Variants in RAD9A observed in about 807,000 individuals in gnomAD.
RAD9A encodes the protein RAD9 checkpoint clamp component A, also known as cell cycle checkpoint control protein RAD9A.
A neutral mutation model predicts 41.2 loss-of-function variants in RAD9A; 25 were observed. The ratio of observed to expected loss-of-function variants is 0.61; its 90% CI spans 0.44 to 0.85. RAD9A has a LOEUF of 0.85. RAD9A is among the 40% of genes least tolerant of loss of function. The pLI, the probability that RAD9A is intolerant of heterozygous loss-of-function variation, is 0.00. For synonymous variants in RAD9A, 252 were observed against 210.6 expected (o/e 1.20, Z -1.70); for missense variants, 514 against 518.3 (o/e 0.99, Z 0.08).
At chr11:67,392,262 G>GGGGGGGGGGGGGGT in intron 2 of RAD9A, 31 bp downstream of exon 2, 2 of 600,786 alleles carry the variant, frequency 3.3e-6, no homozygotes, top group Middle Eastern at 3.4e-4. Context: ...GGGCGGGTGG[G>GGGGGGGGGGGGGGT]ACTCCAGCCG....
chr11:67,396,829 T>C (rs1862716366), intron 9 of RAD9A, among the ~76,000 whole-genome samples: 2 of 151,912 alleles, frequency 1.3e-5, no homozygotes. Flanking sequence ...AGCCTGTCCC[T>C]GGGCTCCTGT....
Position 67,393,694 on chromosome 11 carries a change from T to C in RAD9A, c.353T>C (p.Val118Ala). The C allele has an allele frequency of 6.2e-7, 1 of 1,612,750 alleles. No individual in the cohort carries two copies. Among genetic ancestry groups the C allele is most frequent in the South Asian group, 1.1e-5 (1 of 91,004 alleles). ...LVVQLHCKFGVRKTHNLSFQD... is the reference protein window; with the variant it reads ...LVVQLHCKFGARKTHNLSFQD... ...TGAGACCCTATCGCCCATCCAGGGG[T>C]GCGGAAGACTCACAACCTGTCCTTC... is the stretch of plus-strand genomic sequence containing the variant. The change falls in exon 5 of 11, where the codon GTG becomes GCG. Residue 118 changes from valine to alanine, a missense_variant. Val to Ala is a moderately conservative substitution (Grantham distance 64). Around this residue, in one of 3 missense-constraint regions of RAD9A, gnomAD observed 268 missense variants for 279.3 expected, o/e 0.96. Coordinates refer to ENST00000307980, the MANE Select transcript of RAD9A (RefSeq NM_004584.3).
chr11:67,392,189 C>T lies in RAD9A; in HGVS notation c.63C>T (p.Ser21=). ...KVLGKAVHSL[S]RIGDELYLEP... is the part of the protein sequence containing the mutation. The stretch of plus-strand genomic sequence containing the variant: ...TCGGCAAGGCCGTCCACTCCCTGTC[C>T]CGCATCGGGGACGAGCTCTACCTGG... The change falls in exon 2 of 11, where the codon TCC becomes TCT. Residue 21 remains serine, a synonymous_variant. Transcript: ENST00000307980. The T allele has an allele frequency of 6.2e-7, 1 of 1,612,316 alleles. No homozygotes were observed. Among genetic ancestry groups the T allele is most frequent in the Non-Finnish European group, 8.5e-7 (1 of 1,179,756 alleles).
At chr11:67,393,822 G>A (rs1176931555) in intron 5 of RAD9A, 32 bp downstream of exon 5, 4 of 1,518,344 alleles carry the variant, frequency 2.6e-6, no homozygotes, top group African/African-American at 1.4e-5. Context: ...GCTCAGCCCC[G>A]GGTCTCTCTC....
At position 67,395,893 on chromosome 11, in the gene RAD9A, T is replaced by TC. The variant is rs748251408; in HGVS notation, c.560-17dup. ...GGGAGAGGGGCGGGGCCCAGGTTAC[T>TC]CCTGTTCTTCCCCAACAGACAGCAC... On this transcript the variant is annotated intron_variant, in intron 6 of 10. Coordinates refer to ENST00000307980, the MANE Select transcript of RAD9A (RefSeq NM_004584.3). 1 of 1,613,732 alleles carries TC rather than the reference T, an allele frequency of 6.2e-7. No homozygotes were observed. The highest frequency in any genetic ancestry group is 1.1e-5 in the South Asian group (1 of 91,072).
In RAD9A at chr11:67,393,540, G is replaced by T; in HGVS notation, c.279G>T (p.Thr93=). The stretch of plus-strand genomic sequence containing the variant: ...GCTCACTGGCGATGCTGGAGAAGAC[G>T]GTGGAAAAATGCTGCATCTCCCTGA... The part of the protein sequence containing the change: ...VFRSLAMLEK[T]VEKCCISLNG... Residue 93 remains threonine (T), a synonymous_variant, in exon 4 of 11, where the codon ACG becomes ACT. Coordinates refer to ENST00000307980, the MANE Select transcript of RAD9A (RefSeq NM_004584.3). 1 of 1,614,196 alleles carries T rather than the reference G, an allele frequency of 6.2e-7. No homozygotes were observed. The highest frequency in any genetic ancestry group is 8.5e-7 in the Non-Finnish European group (1 of 1,180,036).
rs756633055 is a variant in RAD9A, at chr11:67,397,302, GCCC to G, written c.1000_1002del (p.Pro334del). 26 of 1,344,394 alleles carry G rather than the reference GCCC, an allele frequency of 1.9e-5. No homozygotes were observed. Among genetic ancestry groups the G allele is most frequent in the East Asian group, 9.8e-5 (4 of 40,818 alleles). The allele number at this position is 1,344,394 out of a possible 1,614,324, so 83.3% of individuals were successfully genotyped here. A position where few individuals can be genotyped will look rare whatever the true frequency, so the allele number is the denominator to read the frequency against. On this transcript the variant is annotated inframe_deletion, in exon 10 of 11. Coordinates refer to ENST00000307980, the MANE Select transcript of RAD9A (RefSeq NM_004584.3). The stretch of plus-strand genomic sequence containing the variant: ...CCATTTCCCTTTCACCTGGCCCCCA[GCCC>G]CCCAAGAGCCCCGGTCCCCACTCCG...
rs761855304 is a variant in RAD9A at position 67,397,511 on chromosome 11, C to A, written c.1128C>A (p.Pro376=). The stretch of plus-strand genomic sequence containing the variant: ...CCATCCTGGCCCCTGTACGCTCCCC[C>A]CAGGGCCCCAGCCCTGTGCTGGCGG... ...FGSILAPVRS[P]QGPSPVLAED... Residue 376 remains proline (P), a synonymous_variant, in exon 11 of 11, where the codon CCC becomes CCA. Coordinates refer to ENST00000307980, the MANE Select transcript of RAD9A (RefSeq NM_004584.3). The A allele has an allele frequency of 3.7e-6, 6 of 1,612,330 alleles. No homozygotes were observed. The highest frequency in any genetic ancestry group is 4.5e-5 in the East Asian group (2 of 44,878).
rs1052709425 is a variant in RAD9A at position 67,392,001 on chromosome 11, G to C, written c.-44G>C. 9 of 1,537,006 alleles carry C rather than the reference G, an allele frequency of 5.9e-6. No individual in the cohort carries two copies. The highest frequency in any genetic ancestry group is 7.9e-6 in the Non-Finnish European group (9 of 1,143,782). ...AAGGGACCCCGGACCCGGAGGTCGC[G>C]GAGAGCTGGGCAGTGTTGGCCGCTG... is the stretch of plus-strand genomic sequence containing the variant. On this transcript the variant is annotated 5_prime_UTR_variant, in exon 1 of 11. Transcript: ENST00000307980.
chr11:67,394,817 T>C (rs1324736090), intron 5 of RAD9A, among the ~76,000 whole-genome samples: 1 of 150,126 alleles, frequency 6.7e-6, no homozygotes, highest in Non-Finnish European at 1.5e-5. Flanking sequence ...GGTTTCTCCA[T>C]GTTGGTCAGG....
intron 2 of RAD9A, 59 bp downstream of exon 2, chr11:67,392,290 C>A: frequency 7.1e-7 from 1 of 1,403,850 alleles, no homozygotes; most frequent in Non-Finnish European, 9.7e-7. Context: ...GTAACCCGGA[C>A]TAGAGTCTCG....
In RAD9A at chr11:67,392,246, T is replaced by TGTGGGGG; in HGVS notation, c.105+17_105+23dup. The TGTGGGGG allele has an allele frequency of 3.6e-6, 2 of 558,092 alleles. No individual in the cohort carries two copies. Among genetic ancestry groups the TGTGGGGG allele is most frequent in the African/African-American group, 2.2e-5 (1 of 45,880 alleles). The allele number at this position is 558,092 out of a possible 1,614,324, so 34.6% of individuals were successfully genotyped here. The stretch of plus-strand genomic sequence containing the variant: ...TGGAGGACGGGGTGAGGGGCTAGGG[T>TGTGGGGG]GTGGGGGGCGGGTGGGACTCCAGCC... On this transcript the variant is annotated intron_variant, in intron 2 of 10. Transcript: ENST00000307980.
At chr11:67,392,370 C>A in intron 2 of RAD9A, 139 bp downstream of exon 2, 1 of 907,028 alleles carries the variant, frequency 1.1e-6, no homozygotes, top group South Asian at 1.7e-5. Flanking sequence ...TGGCGGCTGT[C>A]ATCTTCCCAG....
intron 5 of RAD9A, among the ~76,000 whole-genome samples, chr11:67,394,170 G>A (rs1862616785): frequency 6.6e-6 from 1 of 152,212 alleles, no homozygotes; most frequent in Non-Finnish European, 1.5e-5. Context: ...ATAACCTGTG[G>A]CTCAGAGGCT....
At chr11:67,393,376 G>C in intron 3 of RAD9A, 120 bp from the exon 4 acceptor site, 1 of 1,469,948 alleles carries the variant, frequency 6.8e-7, no homozygotes, top group African/African-American at 1.4e-5. Context: ...TGCCCGAGGT[G>C]ACGTGGGAGC....
Position 67,396,363 on chromosome 11 carries a change from G to C in RAD9A, c.835G>C (p.Glu279Gln). 6.2e-7 allele frequency: 1 copy of C among 1,613,924 alleles called. No homozygotes were observed. The highest frequency in any genetic ancestry group is 8.5e-7 in the Non-Finnish European group (1 of 1,180,000). Residue 279 changes from glutamate to glutamine, a missense_variant, in exon 9 of 11, where the codon GAG becomes CAG. Physicochemically the swap from Glu to Gln is conservative, Grantham distance 29. This residue lies in a region of RAD9A where 216 missense variants were observed against 184.2 expected (regional missense o/e 1.17). Coordinates refer to ENST00000307980, the MANE Select transcript of RAD9A (RefSeq NM_004584.3). ...GCACTCCCAGGACCTGGGCTCCCCA[G>C]AGCGTCACCAGCCAGTGCCTCAGCT... ...DSHSQDLGSPERHQPVPQLQA... is the reference protein window; with the variant it reads ...DSHSQDLGSPQRHQPVPQLQA...
At chr11:67,393,457 G>A in intron 3 of RAD9A, 39 bp from the exon 4 acceptor site, 1 of 1,607,766 alleles carries the variant, frequency 6.2e-7, no homozygotes, top group Non-Finnish European at 8.5e-7. Context: ...GCTTGTTGCA[G>A]AGATGTGATG....
At chr11:67,396,846 C>T (rs983083197) in intron 9 of RAD9A, among the ~76,000 whole-genome samples, 1 of 152,238 alleles carries the variant, frequency 6.6e-6, no homozygotes, top group African/African-American at 2.4e-5. Flanking sequence ...CTGTGCTTTC[C>T]AGCTCCTGTC....
chr11:67,398,245 G>A lies in RAD9A; in HGVS notation c.*686G>A, dbSNP rs2134975241. 1 of 459,968 alleles carries A rather than the reference G, an allele frequency of 2.2e-6. No individual in the cohort carries two copies. Among genetic ancestry groups the A allele is most frequent in the Non-Finnish European group, 3.9e-6 (1 of 257,174 alleles). 28.5% of individuals were successfully genotyped at this position (459,968 alleles called of 1,614,324 possible). On this transcript the variant is annotated 3_prime_UTR_variant, in exon 11 of 11. Coordinates refer to ENST00000307980, the MANE Select transcript of RAD9A (RefSeq NM_004584.3). ...GGGTTGCCCCAGGATCCGGCTGCCA[G>A]CCCTGAGGCCAAGCACGGCTGGAGA... is the stretch of plus-strand genomic sequence containing the variant.
Sources: allele counts gnomAD v4.1 joint callset (sites outside exome capture counted in the v4.1 genomes callset), GRCh38; gene constraint gnomAD v4.1.1; regional missense constraint gnomAD v4.1.1; transcripts MANE v1.5; gene names NCBI Gene and HGNC (gene_info 2026-07-23, HGNC 2026-07-21).